Variants in GAS2L3 observed in about 807,000 individuals in gnomAD.
GAS2L3 encodes GAS2-like protein 3.
A neutral mutation model predicts 37.0 loss-of-function variants in GAS2L3; 28 were observed. That is an observed-to-expected ratio of 0.76 (90% CI 0.56 to 1.04). The LOEUF (loss-of-function observed/expected upper bound fraction) is 1.04. Ranked by LOEUF, GAS2L3 falls within the 50% of genes least tolerant of loss-of-function variation. The pLI is 0.00. For missense variants in GAS2L3, 793 were observed against 817.6 expected (o/e 0.97, Z 0.37); for synonymous variants, 290 against 296.6 (o/e 0.98, Z 0.23).
chr12:100,594,776 G>C (rs1181481475), intron 2 of GAS2L3, 99 bp from the exon 3 acceptor site: 2 of 400,362 alleles, frequency 5.0e-6, no homozygotes, highest in African/African-American at 4.2e-5. Flanking sequence ...TGCGTTTGCA[G>C]TCGAGTAAAC....
chr12:100,600,720 T>A (rs1439345707), intron 4 of GAS2L3, among the ~76,000 whole-genome samples, 170 bp downstream of exon 4: 1 of 152,214 alleles, frequency 6.6e-6, no homozygotes, highest in Non-Finnish European at 1.5e-5. Context: ...GGGGAAATAG[T>A]CTGATTCACC....
intron 8 of GAS2L3, among the ~76,000 whole-genome samples, chr12:100,621,790 A>ATATT (rs912839953): frequency 8.9e-5 from 13 of 146,698 alleles, no homozygotes; most frequent in Admixed American, 2.8e-4. Flanking sequence ...TAACGAACTC[A>ATATT]TATGTTTCCT....
Position 100,624,106 on chromosome 12 carries a change from A to C in GAS2L3, c.1301A>C (p.Lys434Thr), listed in dbSNP as rs773585754. 4 of 1,614,050 alleles carry C rather than the reference A, an allele frequency of 2.5e-6. No homozygotes were observed. The highest frequency in any genetic ancestry group is 3.4e-6 in the Non-Finnish European group (4 of 1,179,998). Residue 434 changes from lysine to threonine, a missense_variant, in exon 10 of 10, where the codon AAA becomes ACA. By Grantham distance (78) the Lys-to-Thr change is moderately conservative. Transcript: ENST00000547754. Reference sequence around the variant, plus strand: ...CCTTGTATATCTGAGTCACCGAGAAAATGTATTTCATCCCCCAATACCCCC... The same window carrying C: ...CCTTGTATATCTGAGTCACCGAGAACATGTATTTCATCCCCCAATACCCCC... ...TAPCISESPR[K>T]CISSPNTPKA... is the part of the protein sequence containing the mutation.
rs571563210 is a variant in GAS2L3 at position 100,625,236 on chromosome 12, A to G, written c.*346A>G. The stretch of plus-strand genomic sequence containing the variant: ...AACAATAGTTGCTCTATTTTTGAAT[A>G]TGTATTAAATATGGAGTTCATATAC... On this transcript the variant is annotated 3_prime_UTR_variant, in exon 10 of 10. Coordinates refer to ENST00000547754, the MANE Select transcript of GAS2L3 (RefSeq NM_174942.3). The G allele has an allele frequency of 3.4e-5, 6 of 174,620 alleles. No homozygotes were observed. In the South Asian group the frequency reaches 8.5e-4, roughly 25 times the overall value. 10.8% of individuals were successfully genotyped at this position (174,620 alleles called of 1,614,324 possible). A position where few individuals can be genotyped will look rare whatever the true frequency, so the allele number is the denominator to read the frequency against.
rs117195675 is a variant in GAS2L3 at position 100,596,146 on chromosome 12, G to A, written c.18+1224G>A. Reference sequence around the variant, plus strand: ...TTTTGGGACTGGGGAGTCCATGACTGTCTCCCAGAAGGTCTTATTCTTCCC... The same window carrying A: ...TTTTGGGACTGGGGAGTCCATGACTATCTCCCAGAAGGTCTTATTCTTCCC... On this transcript the variant is annotated intron_variant, in intron 3 of 9. Coordinates refer to ENST00000547754, the MANE Select transcript of GAS2L3 (RefSeq NM_174942.3). Among the ~76,000 whole-genome samples the A allele has an allele frequency of 5.6e-4, 85 of 152,142 alleles. No individual in the cohort carries two copies. In the East Asian group the frequency reaches 0.016, roughly 29 times the overall value.
intron 1 of GAS2L3, chr12:100,578,646 G>A (rs1474263883): frequency 3.6e-6 from 1 of 277,606 alleles, no homozygotes; most frequent in African/African-American, 2.2e-5. Flanking sequence ...CGGCAGCCGT[G>A]GGAGGTCCAG....
At chr12:100,595,398 G>GTT (rs566262577) in intron 3 of GAS2L3, among the ~76,000 whole-genome samples, 5 of 140,798 alleles carry the variant, frequency 3.6e-5, no homozygotes, top group African/African-American at 7.9e-5. Flanking sequence ...TAAAGAGTGG[G>GTT]TTTTTTTTTT....
chr12:100,618,276 A>G lies in GAS2L3; in HGVS notation c.510-173A>G, dbSNP rs77535206. On this transcript the variant is annotated intron_variant, in intron 7 of 9. Transcript: ENST00000547754. ...TGTGCTATGATGTGAGGACTGTAAT[A>G]TAGATATTTTACAATCTGTGAGACA... 3.2e-3 allele frequency among the ~76,000 whole-genome samples: 489 copies of G among 152,328 alleles called. 1 individual carries two copies. The highest frequency in any genetic ancestry group is 0.01 in the African/African-American group (422 of 41,580).
intron 1 of GAS2L3, among the ~76,000 whole-genome samples, chr12:100,577,374 C>T (rs1183746272): frequency 6.6e-6 from 1 of 151,872 alleles, no homozygotes; most frequent in Non-Finnish European, 1.5e-5. Flanking sequence ...ATCTTAAGTT[C>T]GTTAAAAAAA....
chr12:100,613,751 C>T (rs372388679), intron 6 of GAS2L3, among the ~76,000 whole-genome samples: 19 of 152,036 alleles, frequency 1.2e-4, no homozygotes, highest in South Asian at 8.3e-4. Flanking sequence ...CCTGCCACCA[C>T]GCCTGGCTAA....
intron 5 of GAS2L3, among the ~76,000 whole-genome samples, chr12:100,610,236 A>C (rs771162857): frequency 3.7e-4 from 56 of 152,272 alleles, no homozygotes; most frequent in Admixed American, 5.2e-4. Flanking sequence ...CTAAATGTTT[A>C]TCAACAGAGA....
Position 100,600,406 on chromosome 12 carries a change from C to T in GAS2L3, c.43C>T (p.Leu15=). ...IQVWFGEDLP[L]SPRSPLTPRH... ...GGTATGGTTTGGAGAAGATCTGCCT[C>T]TAAGTCCTCGGAGTCCTCTGACTCC... Residue 15 remains leucine, a synonymous_variant, in exon 4 of 10, where the codon CTA becomes TTA. Transcript: ENST00000547754. 6.2e-7 allele frequency: 1 copy of T among 1,600,754 alleles called. No homozygotes were observed. The highest frequency in any genetic ancestry group is 8.5e-7 in the Non-Finnish European group (1 of 1,175,962).
intron 2 of GAS2L3, 106 bp from the exon 3 acceptor site, chr12:100,594,769 G>T: frequency 2.6e-6 from 1 of 384,982 alleles, no homozygotes; most frequent in Admixed American, 4.7e-5. Flanking sequence ...AAAGTTTTGC[G>T]TTTGCAGTCG....
chr12:100,608,837 C>G (rs1050660336), intron 5 of GAS2L3, among the ~76,000 whole-genome samples: 2 of 152,128 alleles, frequency 1.3e-5, no homozygotes, highest in African/African-American at 4.8e-5. Context: ...AGAAATTTAC[C>G]TGATGTTCTG....
At chr12:100,573,945 T>C (rs899910764) in intron 1 of GAS2L3, 160 bp downstream of exon 1, 1 of 152,296 alleles carries the variant, frequency 6.6e-6, no homozygotes, top group Non-Finnish European at 1.5e-5. Context: ...CAGTACGCTC[T>C]GCGTTTGCCT....
intron 3 of GAS2L3, among the ~76,000 whole-genome samples, chr12:100,596,241 G>T (rs1955910404): frequency 6.6e-6 from 1 of 151,992 alleles, no homozygotes; most frequent in Non-Finnish European, 1.5e-5. Context: ...TTTTTGACCT[G>T]ATTACTTCTA....
At position 100,601,747 on chromosome 12, in the gene GAS2L3, A is replaced by C. The variant is rs1392735706; in HGVS notation, c.297A>C (p.Glu99Asp). 2.6e-6 allele frequency: 4 copies of C among 1,533,074 alleles called. 1 individual carries two copies. In the South Asian group the frequency reaches 4.6e-5, roughly 18 times the overall value. The allele number at this position is 1,533,074 out of a possible 1,614,324, so 95.0% of individuals were successfully genotyped here. A position where few individuals can be genotyped will look rare whatever the true frequency, so the allele number is the denominator to read the frequency against. ...TGGTGAAAACATGCAACTCTGAAGA[A>C]TCAGGGGTAAGTAAATGTTCGACAG... ...QNMVKTCNSE[E>D]SGNFPMRKVP... Residue 99 changes from glutamate to aspartate, a missense_variant, in exon 5 of 10, where the codon GAA becomes GAC. Physicochemically the swap from Glu to Asp is conservative, Grantham distance 45. Transcript: ENST00000547754.
chr12:100,618,711 C>T (rs1010680372), intron 8 of GAS2L3, 124 bp downstream of exon 8: 7 of 833,418 alleles, frequency 8.4e-6, no homozygotes, highest in Non-Finnish European at 1.1e-5. Flanking sequence ...GAATATAAAC[C>T]GGTACTATTC....
intron 8 of GAS2L3, among the ~76,000 whole-genome samples, chr12:100,621,388 T>C (rs747628855): frequency 4.6e-5 from 7 of 152,086 alleles, no homozygotes; most frequent in Non-Finnish European, 8.8e-5. Context: ...AAATATAGAA[T>C]TCTTAAATTT....
Sources: gnomAD v4.1 joint callset for allele counts (sites outside exome capture counted in the v4.1 genomes callset) on GRCh38, gnomAD v4.1.1 for gene constraint, MANE v1.5 for transcripts, NCBI Gene and HGNC (gene_info 2026-07-23, HGNC 2026-07-21) for gene names.